Variants in PTPRN2 observed in about 807,000 individuals in gnomAD.
PTPRN2 encodes receptor-type tyrosine-protein phosphatase N2.
In PTPRN2, 74 loss-of-function variants were observed where a neutral mutation model predicts 118.8. That is an observed-to-expected ratio of 0.62 (90% CI 0.52 to 0.76). The LOEUF (loss-of-function observed/expected upper bound fraction) is 0.76. PTPRN2 is among the 30% of genes least tolerant of loss of function. The pLI, the probability that PTPRN2 is intolerant of heterozygous loss-of-function variation, is 0.00. For synonymous variants in PTPRN2, 641 were observed against 608.0 expected, an observed-to-expected ratio of 1.05 and a Z score of -0.80; for missense variants, 1,481 against 1,394.4, an observed-to-expected ratio of 1.06 and a Z score of -0.99.
intron 9 of PTPRN2, among the ~76,000 whole-genome samples, chr7:158,126,955 C>A (rs1337411736): frequency 2.0e-5 from 3 of 152,216 alleles, no homozygotes; most frequent in Non-Finnish European, 4.4e-5. Flanking sequence ...CAGAGGTGAG[C>A]ACGCAGCAGC....
rs149604739 is a variant in PTPRN2, at chr7:158,380,709, C to G, written c.164-63777G>C. 5.0e-3 allele frequency among the ~76,000 whole-genome samples: 762 copies of G among 152,384 alleles called. 5 individuals are homozygous for G. The highest frequency in any genetic ancestry group is 0.017 in the African/African-American group (725 of 41,596). ...ACTAGACAGTGCCCCAGTAGGGACT[C>G]TGTGTGCAGGTTCCAACTCCACATT... On this transcript the variant is annotated intron_variant, in intron 2 of 22. Transcript: ENST00000389418.
At chr7:157,848,422 T>C (rs1263814306) in intron 12 of PTPRN2, among the ~76,000 whole-genome samples, 1 of 152,094 alleles carries the variant, frequency 6.6e-6, no homozygotes, top group Non-Finnish European at 1.5e-5. Flanking sequence ...CCTCTCTCAT[T>C]ACATCATGTG....
intron 12 of PTPRN2, among the ~76,000 whole-genome samples, chr7:157,816,646 A>C (rs1417033763): frequency 6.6e-6 from 1 of 152,204 alleles, no homozygotes; most frequent in Admixed American, 6.5e-5. Flanking sequence ...CGCAGTCTAC[A>C]GGCCTCTGGC....
chr7:158,364,287 C>T (rs10265353), intron 2 of PTPRN2, among the ~76,000 whole-genome samples: 74,518 of 91,592 alleles, frequency 0.81, 28,917 homozygotes, highest in South Asian at 0.82. Flanking sequence ...ACCTGCCTCT[C>T]GCCATGCTTC....
chr7:158,420,641 C>T, intron 2 of PTPRN2, among the ~76,000 whole-genome samples: 1 of 152,240 alleles, frequency 6.6e-6, no homozygotes, highest in East Asian at 1.9e-4. Context: ...GAGACCCAAG[C>T]TGTCATGGCT....
rs1804140850 is a variant in PTPRN2 at position 157,787,513 on chromosome 7, G to A, written c.1789-104576C>T. On this transcript the variant is annotated intron_variant, in intron 12 of 22. Transcript: ENST00000389418. The surrounding 1 kb of genome is among the most constrained non-coding windows in gnomAD (Gnocchi z 5.3). ...CAGGGGGCTTCCCCACAGTCTAGGG[G>A]GCCAGGAGAGCCCCTGGGCCTCACG... Among the ~76,000 whole-genome samples, 1 of 152,160 alleles carries A rather than the reference G, an allele frequency of 6.6e-6. No homozygotes were observed. The highest frequency in any genetic ancestry group is 6.5e-5 in the Admixed American group (1 of 15,274).
intron 12 of PTPRN2, among the ~76,000 whole-genome samples, chr7:157,882,708 C>T (rs1185744331): frequency 1.3e-5 from 2 of 148,974 alleles, no homozygotes; most frequent in East Asian, 2.1e-4. Flanking sequence ...GAACAGAATA[C>T]ACCACCCCAA....
Position 157,771,752 on chromosome 7 carries a change from CACAA to C in PTPRN2, c.1789-88819_1789-88816del, listed in dbSNP as rs536690648. Among the ~76,000 whole-genome samples the C allele has an allele frequency of 1.8e-3, 270 of 151,362 alleles. 2 individuals are homozygous for C. The highest frequency in any genetic ancestry group is 3.4e-3 in the Middle Eastern group (1 of 294). ...ACGCACAAACAGACGCAGATACAGA[CACAA>C]ACAGACACACATGCAGACACAGACA... is the stretch of plus-strand genomic sequence containing the variant. On this transcript the variant is annotated intron_variant, in intron 12 of 22. Transcript: ENST00000389418.
At chr7:158,337,636 C>A (rs1805930644) in intron 2 of PTPRN2, among the ~76,000 whole-genome samples, 1 of 125,072 alleles carries the variant, frequency 8.0e-6, no homozygotes, top group African/African-American at 2.9e-5. Flanking sequence ...CTGCAGACGT[C>A]ATTCACACCC....
intron 3 of PTPRN2, among the ~76,000 whole-genome samples, chr7:158,252,703 G>T (rs993300030): frequency 6.6e-6 from 1 of 152,158 alleles, no homozygotes; most frequent in African/African-American, 2.4e-5. Flanking sequence ...CCAAGGAGGA[G>T]GCTGACAGCC....
intron 6 of PTPRN2, among the ~76,000 whole-genome samples, chr7:158,147,781 TC>T (rs1820319239): frequency 8.7e-6 from 1 of 115,314 alleles, no homozygotes; most frequent in African/African-American, 4.1e-5. Context: ...CACGTGTTAT[TC>T]CCCCTCACTG....
chr7:158,556,066 T>TA (rs1826964799), intron 1 of PTPRN2, among the ~76,000 whole-genome samples: 1 of 152,184 alleles, frequency 6.6e-6, no homozygotes. Flanking sequence ...AGATGACAGA[T>TA]ATAGATGATT....
intron 22 of PTPRN2, among the ~76,000 whole-genome samples, chr7:157,542,012 G>A (rs1798036245): frequency 6.6e-6 from 1 of 152,160 alleles, no homozygotes; most frequent in South Asian, 2.1e-4. Flanking sequence ...TGAGCCTGGC[G>A]GCCACCTCAG....
At chr7:158,081,216 G>A (rs754626709) in intron 11 of PTPRN2, 82 bp downstream of exon 11, 190 of 1,336,604 alleles carry the variant, frequency 1.4e-4, no homozygotes, top group Non-Finnish European at 2.0e-4. Flanking sequence ...TCTCTGCCCT[G>A]GCTGTGCATG....
chr7:158,497,791 TG>T (rs1212283199), intron 1 of PTPRN2, among the ~76,000 whole-genome samples: 8 of 152,260 alleles, frequency 5.3e-5, no homozygotes, highest in Non-Finnish European at 7.3e-5. Context: ...CATGAGGGCC[TG>T]CCCCCTGCAC....
chr7:157,905,852 G>A (rs955288372), intron 11 of PTPRN2, among the ~76,000 whole-genome samples: 5 of 152,176 alleles, frequency 3.3e-5, no homozygotes, highest in Admixed American at 3.3e-4. Context: ...CTTTCTGGAC[G>A]GCACCACTGG....
chr7:158,222,539 C>G (rs1408443217), intron 3 of PTPRN2, among the ~76,000 whole-genome samples: 2 of 152,072 alleles, frequency 1.3e-5, no homozygotes, highest in East Asian at 3.9e-4. Flanking sequence ...CACACAGACA[C>G]AAAAATGAGG....
At chr7:157,551,043 T>C (rs1798573324) in intron 21 of PTPRN2, among the ~76,000 whole-genome samples, 1 of 152,130 alleles carries the variant, frequency 6.6e-6, no homozygotes, top group African/African-American at 2.4e-5. Context: ...CCTCTCCTCC[T>C]CCTCCTCCCA....
intron 11 of PTPRN2, among the ~76,000 whole-genome samples, chr7:158,002,956 AGTGGGGGTCT>A (rs1301520733): frequency 2.0e-5 from 3 of 152,108 alleles, no homozygotes; most frequent in Non-Finnish European, 4.4e-5. Flanking sequence ...TGGCAGCACA[AGTGGGGGTCT>A]GCTACAGGCC....
Sources: gnomAD v4.1 joint callset for allele counts (sites outside exome capture counted in the v4.1 genomes callset) on GRCh38, gnomAD v4.1.1 for gene constraint, Gnocchi (gnomAD v3.1) non-coding constraint, MANE v1.5 for transcripts, NCBI Gene and HGNC (gene_info 2026-07-23, HGNC 2026-07-21) for gene names.